The following YTHDF3 variants were observed in gnomAD, a reference collection of about 807,000 sequenced individuals.
YTHDF3 encodes YTH N6-methyladenosine RNA binding protein F3.
In YTHDF3, 9 loss-of-function variants were observed where a neutral mutation model predicts 52.5. The observed-to-expected ratio is 0.17, with a 90% confidence interval of 0.10 to 0.30. The LOEUF (loss-of-function observed/expected upper bound fraction) is 0.30, where lower values mean the gene tolerates loss of function less well. Ranked by LOEUF, YTHDF3 falls within the 10% of genes least tolerant of loss-of-function variation. The probability of loss-of-function intolerance (pLI) is 1.00; values close to 1 mark genes in which losing one functional copy is unlikely to be tolerated. For missense variants in YTHDF3, 534 were observed against 715.0 expected (o/e 0.75, Z 2.89); for synonymous variants, 274 against 243.3 (o/e 1.13, Z -1.18).
At chr8:63,175,259 T>G in intron 2 of YTHDF3, 72 bp from the exon 3 acceptor site, 4 of 1,138,000 alleles carry the variant, frequency 3.5e-6, no homozygotes, top group Non-Finnish European at 5.0e-6. Context: ...TTGAAAAATA[T>G]TAAAAACATT....
chr8:63,209,689 A>C lies in YTHDF3; in HGVS notation c.1741A>C (p.Asn581His). 1 of 1,573,058 alleles carries C rather than the reference A, an allele frequency of 6.4e-7. No individual in the cohort carries two copies. The change falls in exon 5 of 5, where the codon AAT becomes CAT. Residue 581 changes from asparagine to histidine, a missense_variant. Transcript: ENST00000539294. Reference protein sequence around the residue: ...EEEEAMRRERNRNKQ With the variant: ...EEEEAMRRERHRNKQ ...TGTGTTTTTTTTTTTTCAGGAGAGA[A>C]ATAGAAACAAACAATAACCGTATGA...
chr8:63,212,616 T>C lies in YTHDF3; in HGVS notation c.*2910T>C, dbSNP rs1320766554. On this transcript the variant is annotated 3_prime_UTR_variant, in exon 5 of 5. Coordinates refer to ENST00000539294, the MANE Select transcript of YTHDF3 (RefSeq NM_152758.6). The stretch of plus-strand genomic sequence containing the variant: ...GGAAGGTTATGATAAAATGATTAGT[T>C]CATTTACATTCACTTGTAGCAATTA... 1 of 152,640 alleles carries C rather than the reference T, an allele frequency of 6.6e-6. No homozygotes were observed. Among genetic ancestry groups the C allele is most frequent in the Non-Finnish European group, 1.5e-5 (1 of 68,044 alleles). 9.5% of individuals were successfully genotyped at this position (152,640 alleles called of 1,614,324 possible).
rs746924260 is a variant in YTHDF3 at position 63,187,280 on chromosome 8, C to T, written c.1269C>T (p.Ser423=). 3.1e-6 allele frequency: 5 copies of T among 1,613,998 alleles called. No homozygotes were observed. In the South Asian group the frequency reaches 5.5e-5, roughly 18 times the overall value. The part of the protein sequence containing the change: ...LKNGRVFIIK[S]YSEDDIHRSI... ...ATGGACGTGTGTTTATAATTAAAAG[C>T]TACTCTGAGGATGACATACATCGTT... is the stretch of plus-strand genomic sequence containing the variant. The change falls in exon 4 of 5, where the codon AGC becomes AGT. Residue 423 remains serine, a synonymous_variant. Coordinates refer to ENST00000539294, the MANE Select transcript of YTHDF3 (RefSeq NM_152758.6).
At chr8:63,182,648 C>T (rs868147608) in intron 3 of YTHDF3, among the ~76,000 whole-genome samples, 1 of 152,162 alleles carries the variant, frequency 6.6e-6, no homozygotes, top group African/African-American at 2.4e-5. Flanking sequence ...GTGTGCTTTT[C>T]CACTCCCACA....
In YTHDF3 at chr8:63,194,044, A is replaced by C. The variant is rs567380248; in HGVS notation, c.1734+6299A>C. The stretch of plus-strand genomic sequence containing the variant: ...TCAATAGTTTTTTTTTTTTTTCCCC[A>C]AAAAAATGGCAGCAGTTCAAATGTC... On this transcript the variant is annotated intron_variant, in intron 4 of 4. Coordinates refer to ENST00000539294, the MANE Select transcript of YTHDF3 (RefSeq NM_152758.6). Among the ~76,000 whole-genome samples the C allele has an allele frequency of 7.6e-3, 1,155 of 151,790 alleles. 5 individuals carry two copies. Among genetic ancestry groups the C allele is most frequent in the Middle Eastern group, 0.037 (11 of 294 alleles).
intron 3 of YTHDF3, among the ~76,000 whole-genome samples, chr8:63,179,363 C>G (rs572775686): frequency 2.6e-5 from 4 of 152,056 alleles, no homozygotes; most frequent in Non-Finnish European, 4.4e-5. Context: ...GAGGACCCTG[C>G]GGCCTTCCGC....
chr8:63,169,312 A>T (rs1028096420), intron 1 of YTHDF3, 75 bp from the exon 2 acceptor site: 5 of 1,523,704 alleles, frequency 3.3e-6, no homozygotes, highest in Non-Finnish European at 4.5e-6. Flanking sequence ...TGTCTTTGAT[A>T]ATGCCTTTGA....
At chr8:63,195,105 C>G (rs1232868804) in intron 4 of YTHDF3, among the ~76,000 whole-genome samples, 1 of 152,166 alleles carries the variant, frequency 6.6e-6, no homozygotes, top group Admixed American at 6.5e-5. Flanking sequence ...CATATCCTGT[C>G]TGCTTATATA....
At chr8:63,180,514 C>G (rs1316322220) in intron 3 of YTHDF3, among the ~76,000 whole-genome samples, 1 of 151,142 alleles carries the variant, frequency 6.6e-6, no homozygotes, top group Non-Finnish European at 1.5e-5. Context: ...AGAGGGGCTC[C>G]TCACATCCCA....
intron 3 of YTHDF3, among the ~76,000 whole-genome samples, chr8:63,183,404 C>T (rs1467827659): frequency 6.6e-6 from 1 of 152,160 alleles, no homozygotes; most frequent in South Asian, 2.1e-4. Context: ...TTAGTAGATA[C>T]TTCAGTGATC....
intron 4 of YTHDF3, among the ~76,000 whole-genome samples, chr8:63,206,491 CT>C (rs1261473572): frequency 1.3e-5 from 2 of 152,176 alleles, no homozygotes; most frequent in African/African-American, 4.8e-5. Flanking sequence ...TTTCTAACCC[CT>C]TATCTAATCC....
At chr8:63,169,535 T>G in intron 2 of YTHDF3, 124 bp downstream of exon 2, 3 of 1,112,130 alleles carry the variant, frequency 2.7e-6, no homozygotes, top group East Asian at 2.6e-5. Flanking sequence ...AGGGAAAATA[T>G]TCATCATGGC....
At chr8:63,169,067 C>A in intron 1 of YTHDF3, 166 bp downstream of exon 1, 1 of 1,397,156 alleles carries the variant, frequency 7.2e-7, no homozygotes, top group Non-Finnish European at 9.2e-7. Context: ...GCGCCCTGGC[C>A]CCGTAGCTTG....
chr8:63,175,987 G>A (rs911877591), intron 3 of YTHDF3, among the ~76,000 whole-genome samples: 2 of 152,160 alleles, frequency 1.3e-5, no homozygotes, highest in Non-Finnish European at 2.9e-5. Flanking sequence ...TGTAGACATG[G>A]ACAGTTTTAT....
chr8:63,189,988 TAAGTA>T (rs780267747), intron 4 of YTHDF3, among the ~76,000 whole-genome samples: 5 of 152,182 alleles, frequency 3.3e-5, no homozygotes, highest in East Asian at 1.9e-4. Flanking sequence ...GTTTAGCAGT[TAAGTA>T]AAGTGGTCAT....
chr8:63,169,809 A>G (rs1263477564), intron 2 of YTHDF3, among the ~76,000 whole-genome samples: 1 of 152,240 alleles, frequency 6.6e-6, no homozygotes, highest in Non-Finnish European at 1.5e-5. Flanking sequence ...ATGGAAGTCT[A>G]CATAGTATTC....
chr8:63,209,901 G>A lies in YTHDF3; in HGVS notation c.*195G>A, dbSNP rs574256714. 4 of 508,128 alleles carry A rather than the reference G, an allele frequency of 7.9e-6. No individual in the cohort carries two copies. The South Asian group carries it at 1.4e-4, about 17-fold the overall frequency. 31.5% of individuals were successfully genotyped at this position (508,128 alleles called of 1,614,324 possible). ...CTTATACTCTTCACCAAACACACTT[G>A]AGAACTGTAACTTCGTCAAGCACTT... On this transcript the variant is annotated 3_prime_UTR_variant, in exon 5 of 5. Coordinates refer to ENST00000539294, the MANE Select transcript of YTHDF3 (RefSeq NM_152758.6).
intron 4 of YTHDF3, among the ~76,000 whole-genome samples, chr8:63,201,300 G>A (rs1478278739): frequency 6.6e-6 from 1 of 152,156 alleles, no homozygotes; most frequent in Admixed American, 6.5e-5. Flanking sequence ...GAGGCGGGAG[G>A]ATTGCTTGAG....
Position 63,209,864 on chromosome 8 carries a change from A to C in YTHDF3, c.*158A>C, listed in dbSNP as rs1369961901. 2.9e-6 allele frequency: 2 copies of C among 692,934 alleles called. No homozygotes were observed. The highest frequency in any genetic ancestry group is 3.6e-5 in the African/African-American group (2 of 54,906). 42.9% of individuals were successfully genotyped at this position (692,934 alleles called of 1,614,324 possible). A position where few individuals can be genotyped will look rare whatever the true frequency, so the allele number is the denominator to read the frequency against. ...GACTCTTCTCGTAATGGTTTTCATC[A>C]GCGCATCTGCCCTTATACTCTTCAC... On this transcript the variant is annotated 3_prime_UTR_variant, in exon 5 of 5. Coordinates refer to ENST00000539294, the MANE Select transcript of YTHDF3 (RefSeq NM_152758.6).
Sources: gnomAD v4.1 joint callset for allele counts (sites outside exome capture counted in the v4.1 genomes callset) on GRCh38, gnomAD v4.1.1 for gene constraint, MANE v1.5 for transcripts, NCBI Gene and HGNC (gene_info 2026-07-23, HGNC 2026-07-21) for gene names.